The following SUCLG1 variants were observed in gnomAD, a reference collection of about 807,000 sequenced individuals.
SUCLG1 encodes succinate--CoA ligase [ADP/GDP-forming] subunit alpha, mitochondrial.
A neutral mutation model predicts 37.3 loss-of-function variants in SUCLG1; 26 were observed. The observed-to-expected ratio is 0.70, with a 90% CI of 0.51 to 0.97. SUCLG1 has a LOEUF of 0.97. SUCLG1 is among the 50% of genes least tolerant of loss of function. The probability of loss-of-function intolerance (pLI) is 0.00; values close to 1 mark genes in which losing one functional copy is unlikely to be tolerated. For missense variants in SUCLG1, 433 were observed against 432.9 expected (o/e 1.00, Z 0.00); for synonymous variants, 163 against 155.6 (o/e 1.05, Z -0.36).
chr2:84,444,377 T>C (rs1288215213), intron 2 of SUCLG1, among the ~76,000 whole-genome samples: 1 of 152,136 alleles, frequency 6.6e-6, no homozygotes, highest in Non-Finnish European at 1.5e-5. Context: ...GCAGGTTCCA[T>C]GATGCCCCCT....
intron 7 of SUCLG1, among the ~76,000 whole-genome samples, chr2:84,428,999 AC>A (rs1262981514): frequency 6.6e-6 from 1 of 152,250 alleles, no homozygotes; most frequent in Non-Finnish European, 1.5e-5. Flanking sequence ...AAAACAACTT[AC>A]CAAAGCATCA....
intron 8 of SUCLG1, among the ~76,000 whole-genome samples, chr2:84,423,979 C>A (rs1457598677): frequency 6.6e-6 from 1 of 152,168 alleles, no homozygotes; most frequent in African/African-American, 2.4e-5. Flanking sequence ...CTGAATTTCA[C>A]GAAACAGATG....
At chr2:84,433,329 T>C (rs1326708163) in intron 6 of SUCLG1, 23 bp downstream of exon 6, 1 of 1,608,846 alleles carries the variant, frequency 6.2e-7, no homozygotes, top group Non-Finnish European at 8.5e-7. Flanking sequence ...TCCAATAAAA[T>C]GATTTTAGCA....
chr2:84,432,858 G>C (rs1025459440), intron 6 of SUCLG1: 1 of 156,884 alleles, frequency 6.4e-6, no homozygotes, highest in Non-Finnish European at 1.4e-5. Context: ...GCAGTATAGT[G>C]TGATAAAAAG....
At chr2:84,446,369 A>T (rs1483634876) in intron 2 of SUCLG1, among the ~76,000 whole-genome samples, 2 of 152,254 alleles carry the variant, frequency 1.3e-5, no homozygotes, top group African/African-American at 4.8e-5. Context: ...TACAGTAGGC[A>T]TTCAATAAAT....
At position 84,459,156 on chromosome 2, in the gene SUCLG1, G is replaced by C; in HGVS notation, c.97+17C>G. 2.6e-6 allele frequency: 4 copies of C among 1,547,492 alleles called. No individual in the cohort carries two copies. Among genetic ancestry groups the C allele is most frequent in the Non-Finnish European group, 2.6e-6 (3 of 1,144,848 alleles). ...ATAACCCGCGGGCGCCAGGAAGACA[G>C]TACTGGCTGGACTCACGGAGGAAGC... On this transcript the variant is annotated intron_variant, in intron 1 of 8. Transcript: ENST00000393868.
intron 5 of SUCLG1, among the ~76,000 whole-genome samples, chr2:84,440,623 C>T (rs926505498): frequency 6.6e-6 from 1 of 152,140 alleles, no homozygotes; most frequent in Non-Finnish European, 1.5e-5. Context: ...TGACCTAAGC[C>T]TTGTTTGTAA....
chr2:84,431,484 A>G (rs1312600971), intron 7 of SUCLG1, 24 bp downstream of exon 7: 1 of 1,613,704 alleles, frequency 6.2e-7, no homozygotes, highest in East Asian at 2.2e-5. Context: ...GCAAAGAGCT[A>G]TGTTTTTCCA....
chr2:84,433,648 A>G (rs1672643082), intron 5 of SUCLG1: 1 of 578,690 alleles, frequency 1.7e-6, no homozygotes, highest in Admixed American at 3.0e-5. Flanking sequence ...CAAAGGAGAA[A>G]GTATATTATT....
chr2:84,432,429 C>G (rs1010932312), intron 6 of SUCLG1: 1 of 152,204 alleles, frequency 6.6e-6, no homozygotes, highest in Non-Finnish European at 1.5e-5. Flanking sequence ...TGCTTTGGCA[C>G]ACGTTAGATC....
intron 1 of SUCLG1, among the ~76,000 whole-genome samples, chr2:84,452,229 A>G (rs1672952739): frequency 6.6e-6 from 1 of 152,006 alleles, no homozygotes; most frequent in Non-Finnish European, 1.5e-5. Flanking sequence ...TAAACTCCCC[A>G]CACCTATTCA....
At chr2:84,432,251 G>A (rs1429806713) in intron 6 of SUCLG1, 1 of 152,688 alleles carries the variant, frequency 6.5e-6, no homozygotes, top group Non-Finnish European at 1.5e-5. Flanking sequence ...CAAATTCATG[G>A]ACAGGGTTAA....
intron 1 of SUCLG1, among the ~76,000 whole-genome samples, chr2:84,451,892 T>TC (rs1315828133): frequency 6.6e-6 from 1 of 152,192 alleles, no homozygotes; most frequent in Non-Finnish European, 1.5e-5. Context: ...ACTATTATCG[T>TC]CTTACAGGCA....
intron 1 of SUCLG1, among the ~76,000 whole-genome samples, chr2:84,451,691 C>T (rs1672945025): frequency 6.6e-6 from 1 of 152,114 alleles, no homozygotes; most frequent in African/African-American, 2.4e-5. Context: ...ACCTCCCAAT[C>T]CCCTAGCCTT....
At position 84,443,366 on chromosome 2, in the gene SUCLG1, C is replaced by T. The variant is rs143030960; in HGVS notation, c.236G>A (p.Gly79Asp). 1.4e-3 allele frequency: 2,234 copies of T among 1,614,146 alleles called. 2 individuals carry two copies. Among genetic ancestry groups the T allele is most frequent in the Middle Eastern group, 2.1e-3 (13 of 6,062 alleles). The change falls in exon 3 of 9, where the codon GGC (glycine) becomes GAC (aspartate). Residue 79 changes from glycine (G) to aspartate (D), a missense_variant. Transcript: ENST00000393868. ...AGTGGTTCCTCCAACGAGTTTGGTG[C>T]CATATTCCAATGCCTGCTGGCTGTG... The part of the protein sequence containing the change: ...TFHSQQALEY[G>D]TKLVGGTTPG...
chr2:84,450,016 A>G lies in SUCLG1; in HGVS notation c.98-264T>C, dbSNP rs2364906. Among the ~76,000 whole-genome samples, 138,200 of 151,588 alleles carry G rather than the reference A, an allele frequency of 0.91. 63,157 individuals are homozygous for G. Among genetic ancestry groups the G allele is most frequent in the East Asian group, 0.99 (5,067 of 5,142 alleles). ...TTGTAGTTTTTTCCTGAACTGAGGG[A>G]AAAAAAAGCAATGTTTATCATTTTT... On this transcript the variant is annotated intron_variant, in intron 1 of 8. Coordinates refer to ENST00000393868, the MANE Select transcript of SUCLG1 (RefSeq NM_003849.4).
At chr2:84,431,458 G>T in intron 7 of SUCLG1, 50 bp downstream of exon 7, 21 of 1,604,652 alleles carry the variant, frequency 1.3e-5, no homozygotes, top group Non-Finnish European at 1.8e-5. Flanking sequence ...TCTGAAACAA[G>T]CCTCTGATAT....
chr2:84,450,412 G>GAAA (rs79027896), intron 1 of SUCLG1, among the ~76,000 whole-genome samples: 112 of 103,416 alleles, frequency 1.1e-3, no homozygotes, highest in Middle Eastern at 5.5e-3. Flanking sequence ...AGCTTGTTAG[G>GAAA]AAAAAAAAAA....
intron 7 of SUCLG1, chr2:84,427,053 G>C (rs1252448671): frequency 6.5e-6 from 1 of 153,742 alleles, no homozygotes; most frequent in Admixed American, 6.5e-5. Flanking sequence ...CTAGTGAGAA[G>C]AGTTGCGTTA....
Sources: allele counts gnomAD v4.1 joint callset (sites outside exome capture counted in the v4.1 genomes callset), GRCh38; gene constraint gnomAD v4.1.1; transcripts MANE v1.5; gene names NCBI Gene and HGNC (gene_info 2026-07-23, HGNC 2026-07-21).